Variants in RBPJ observed in about 807,000 individuals in gnomAD.
RBPJ encodes recombination signal binding protein for immunoglobulin kappa J region.
Under a neutral mutation model 67.8 loss-of-function variants are expected in RBPJ, and 9 were observed. That is an observed-to-expected ratio of 0.13 (90% confidence interval 0.08 to 0.23). The LOEUF is 0.23. RBPJ is among the 10% of genes least tolerant of loss of function. The pLI is 1.00. For missense variants in RBPJ, 305 were observed against 595.6 expected, an observed-to-expected ratio of 0.51 and a Z score of 5.08; for synonymous variants, 198 against 203.3, an observed-to-expected ratio of 0.97 and a Z score of 0.22.
chr4:26,392,063 G>A (rs893936599), intron 2 of RBPJ, among the ~76,000 whole-genome samples: 1 of 152,130 alleles, frequency 6.6e-6, no homozygotes, highest in Non-Finnish European at 1.5e-5. Context: ...TCACCTCCCA[G>A]ATGCCCCACC....
the RBPJ span, among the ~76,000 whole-genome samples, chr4:26,124,166 C>T: frequency 1.3e-5 from 2 of 151,448 alleles, no homozygotes; most frequent in Admixed American, 6.6e-5. Flanking sequence ...AGCAGTATAC[C>T]CTGCACACTA....
the RBPJ span, among the ~76,000 whole-genome samples, chr4:26,118,316 TA>T: frequency 6.6e-6 from 1 of 152,204 alleles, no homozygotes; most frequent in South Asian, 2.1e-4. Flanking sequence ...TGTGAAGAAC[TA>T]AAGAATCTCT....
the RBPJ span, among the ~76,000 whole-genome samples, chr4:26,156,419 T>TTC: frequency 7.1e-6 from 1 of 140,948 alleles, no homozygotes; most frequent in Admixed American, 7.0e-5. Flanking sequence ...TCTTTCTTTT[T>TTC]TTTTTTTTTT....
intron 2 of RBPJ, among the ~76,000 whole-genome samples, chr4:26,402,525 C>T (rs1732943497): frequency 6.6e-6 from 1 of 152,172 alleles, no homozygotes. Context: ...TCATACTTGA[C>T]TCCTGCTTAT....
At chr4:26,171,474 A>T (rs776849415) in intron 1 of RBPJ, among the ~76,000 whole-genome samples, 1 of 152,208 alleles carries the variant, frequency 6.6e-6, no homozygotes, top group Non-Finnish European at 1.5e-5. Context: ...AGGCTGAGAC[A>T]GGAGAATCTT....
At chr4:26,219,223 G>C (rs576149121) in intron 1 of RBPJ, among the ~76,000 whole-genome samples, 14 of 152,330 alleles carry the variant, frequency 9.2e-5, no homozygotes, top group African/African-American at 3.4e-4. Context: ...ACCAGAGGAA[G>C]CTCTGCCCAC....
At chr4:26,185,897 T>G (rs1195396912) in intron 1 of RBPJ, among the ~76,000 whole-genome samples, 2 of 152,052 alleles carry the variant, frequency 1.3e-5, no homozygotes, top group African/African-American at 4.8e-5. Context: ...AATACAAAAA[T>G]TAGCTGGGTG....
chr4:26,234,904 G>C (rs1320500024), intron 1 of RBPJ, among the ~76,000 whole-genome samples: 1 of 152,020 alleles, frequency 6.6e-6, no homozygotes, highest in African/African-American at 2.4e-5. Flanking sequence ...TGTTGGCCAG[G>C]CTGGTTTCGA....
chr4:26,232,176 A>G (rs1446378940), intron 1 of RBPJ, among the ~76,000 whole-genome samples: 1 of 152,122 alleles, frequency 6.6e-6, no homozygotes, highest in African/African-American at 2.4e-5. Flanking sequence ...GATTACAGGC[A>G]TGAACCACCA....
At chr4:26,329,784 C>T (rs538483907) in intron 1 of RBPJ, among the ~76,000 whole-genome samples, 1 of 152,024 alleles carries the variant, frequency 6.6e-6, no homozygotes, top group Non-Finnish European at 1.5e-5. Context: ...GTCACAGCTA[C>T]TTGGGAGGCT....
chr4:26,218,342 A>T (rs1285019071), intron 1 of RBPJ, among the ~76,000 whole-genome samples: 1 of 152,178 alleles, frequency 6.6e-6, no homozygotes, highest in Admixed American at 6.6e-5. Flanking sequence ...GTGAAAGTCC[A>T]TTCCAGAACC....
At chr4:26,402,262 T>C (rs902109184) in intron 2 of RBPJ, among the ~76,000 whole-genome samples, 4 of 152,206 alleles carry the variant, frequency 2.6e-5, no homozygotes, top group African/African-American at 9.6e-5. Flanking sequence ...TCCCTCATCA[T>C]GTTACCCTCT....
At chr4:26,326,842 G>T (rs1560267918) in intron 1 of RBPJ, among the ~76,000 whole-genome samples, 1 of 152,260 alleles carries the variant, frequency 6.6e-6, no homozygotes, top group East Asian at 1.9e-4. Flanking sequence ...TTTTTATACT[G>T]CAAGCTGTGG....
intron 2 of RBPJ, among the ~76,000 whole-genome samples, chr4:26,396,408 C>T (rs960807292): frequency 2.6e-5 from 4 of 152,262 alleles, no homozygotes; most frequent in Non-Finnish European, 2.9e-5. Flanking sequence ...CCCTGGGATT[C>T]GAAGAGTTAA....
At chr4:26,404,213 T>G (rs1238822932) in intron 2 of RBPJ, among the ~76,000 whole-genome samples, 1 of 152,166 alleles carries the variant, frequency 6.6e-6, no homozygotes, top group African/African-American at 2.4e-5. Flanking sequence ...ATCCTTTGCC[T>G]ACTTTTTAAT....
chr4:26,117,406 C>T, the RBPJ span, among the ~76,000 whole-genome samples: 1 of 152,116 alleles, frequency 6.6e-6, no homozygotes, highest in Non-Finnish European at 1.5e-5. Flanking sequence ...TATCACTATA[C>T]CTAACAAAAC....
rs567204348 is a variant in RBPJ at position 26,433,920 on chromosome 4, G to C, written c.*2913G>C. Reference sequence around the variant, plus strand: ...TAGAATGGTGAGTGCTTCAGTTATAGTATGTTTGAATTTTTAAAAAATTCT... The same window carrying C: ...TAGAATGGTGAGTGCTTCAGTTATACTATGTTTGAATTTTTAAAAAATTCT... On this transcript the variant is annotated 3_prime_UTR_variant, in exon 11 of 11. Transcript: ENST00000355476. 2 of 152,272 alleles carry C rather than the reference G, an allele frequency of 1.3e-5. No individual in the cohort carries two copies. The highest frequency in any genetic ancestry group is 3.9e-4 in the East Asian group (2 of 5,180). The allele number at this position is 152,272 out of a possible 1,614,324, so 9.4% of individuals were successfully genotyped here. A position where few individuals can be genotyped will look rare whatever the true frequency, so the allele number is the denominator to read the frequency against.
intron 1 of RBPJ, among the ~76,000 whole-genome samples, chr4:26,254,635 T>A (rs983475426): frequency 8.8e-5 from 13 of 148,182 alleles, no homozygotes; most frequent in Non-Finnish European, 1.8e-4. Flanking sequence ...GTGAATGTTA[T>A]CGATGCTAGA....
intron 1 of RBPJ, among the ~76,000 whole-genome samples, chr4:26,212,735 A>G (rs1313443470): frequency 6.6e-6 from 1 of 152,108 alleles, no homozygotes; most frequent in Non-Finnish European, 1.5e-5. Context: ...AGAGAGGCCA[A>G]GCAGAATCTA....
Sources: allele counts gnomAD v4.1 joint callset (sites outside exome capture counted in the v4.1 genomes callset), GRCh38; gene constraint gnomAD v4.1.1; transcripts MANE v1.5; gene names NCBI Gene and HGNC (gene_info 2026-07-23, HGNC 2026-07-21).